Variants in MSTO1 observed in about 807,000 individuals in gnomAD.
MSTO1 encodes protein misato homolog 1.
MSTO1 carries 24 observed loss-of-function variants against 55.7 expected under a neutral mutation model. The ratio of observed to expected loss-of-function variants is 0.43; its 90% confidence interval spans 0.31 to 0.61. The LOEUF is 0.61. Ranked by LOEUF, MSTO1 falls within the 20% of genes least tolerant of loss-of-function variation. The pLI is 0.09. For missense variants in MSTO1, 363 were observed against 625.7 expected (o/e 0.58, Z 4.48); for synonymous variants, 162 against 252.8 (o/e 0.64, Z 3.41).
chr1:155,607,048 G>A (rs1239523857), upstream of MSTO1, among the ~76,000 whole-genome samples: 5 of 150,610 alleles, frequency 3.3e-5, no homozygotes, highest in Admixed American at 1.3e-4. Context: ...TTGCCAGGCT[G>A]GTCTCGAACT....
chr1:155,611,602 AG>A lies in MSTO1; in HGVS notation c.421+1del. Reference protein sequence around the residue: ...WRVKSIPNGKGSSPLPTATTP... With the variant: ...WRVKSIPNGKXSSPLPTATTP... Reference sequence around the variant, plus strand: ...GGGTCAAATCCATTCCCAATGGCAAAGGTGAGACTTCTCCAGATACTGATGG... The same window carrying A: ...GGGTCAAATCCATTCCCAATGGCAAAGTGAGACTTCTCCAGATACTGATGG... On this transcript the variant is annotated frameshift_variant and splice_region_variant, in exon 5 of 14. Transcript: ENST00000245564. LOFTEE classifies it high-confidence loss of function. 1 of 1,457,008 alleles carries A rather than the reference AG, an allele frequency of 6.9e-7. No individual in the cohort carries two copies. Among genetic ancestry groups the A allele is most frequent in the Non-Finnish European group, 9.6e-7 (1 of 1,042,160 alleles). 90.3% of individuals were successfully genotyped at this position (1,457,008 alleles called of 1,614,324 possible).
the MSTO1 span, among the ~76,000 whole-genome samples, chr1:155,587,746 A>G: frequency 4.4e-5 from 6 of 134,958 alleles, no homozygotes; most frequent in Admixed American, 1.5e-4. Context: ...TCCGTCTCAG[A>G]AAAAAAAAAA....
chr1:155,563,731 G>T, the MSTO1 span: 5 of 361,352 alleles, frequency 1.4e-5, no homozygotes, highest in Non-Finnish European at 2.7e-5. Context: ...ATCAAAAAGT[G>T]TACATAAAAA....
the MSTO1 span, among the ~76,000 whole-genome samples, chr1:155,596,821 G>A: frequency 6.6e-6 from 1 of 151,658 alleles, no homozygotes; most frequent in East Asian, 1.9e-4. Context: ...GAGATGAATG[G>A]TCCAGTTGTG....
chr1:155,600,683 GATTACA>G, the MSTO1 span, among the ~76,000 whole-genome samples: 1 of 152,140 alleles, frequency 6.6e-6, no homozygotes, highest in African/African-American at 2.4e-5. Flanking sequence ...CAGTAGCTGG[GATTACA>G]GGCATGCACC....
At chr1:155,567,432 C>T in the MSTO1 span, among the ~76,000 whole-genome samples, 1 of 151,982 alleles carries the variant, frequency 6.6e-6, no homozygotes, top group Non-Finnish European at 1.5e-5. Flanking sequence ...CTGCCTCAGC[C>T]TCCCGAGTAG....
At chr1:155,594,454 T>C in the MSTO1 span, among the ~76,000 whole-genome samples, 1 of 151,918 alleles carries the variant, frequency 6.6e-6, no homozygotes, top group African/African-American at 2.4e-5. Context: ...GAAGTTGAAG[T>C]AGAATGAGCA....
the MSTO1 span, chr1:155,591,288 G>A: frequency 4.0e-3 from 6,075 of 1,531,160 alleles, 199 homozygotes; most frequent in African/African-American, 0.073. Flanking sequence ...GCTGCACTGC[G>A]AAGGAGATAT....
chr1:155,604,225 C>A, the MSTO1 span, among the ~76,000 whole-genome samples: 1 of 152,188 alleles, frequency 6.6e-6, no homozygotes, highest in East Asian at 1.9e-4. Context: ...ACGGAGTGGA[C>A]CTGCCTTTCT....
the MSTO1 span, among the ~76,000 whole-genome samples, chr1:155,580,275 C>G: frequency 1.3e-5 from 2 of 151,182 alleles, no homozygotes; most frequent in African/African-American, 4.9e-5. Context: ...CCCGTAATCC[C>G]AGCATGTTGG....
the MSTO1 span, among the ~76,000 whole-genome samples, chr1:155,599,532 G>C: frequency 1.3e-5 from 2 of 152,114 alleles, no homozygotes; most frequent in African/African-American, 4.8e-5. Flanking sequence ...ATTACACTTT[G>C]CATATGAAGG....
Position 155,613,455 on chromosome 1 carries a change from C to T in MSTO1, c.1284-7C>T. 1 of 1,613,970 alleles carries T rather than the reference C, an allele frequency of 6.2e-7. No individual in the cohort carries two copies. The highest frequency in any genetic ancestry group is 8.5e-7 in the Non-Finnish European group (1 of 1,179,990). On this transcript the variant is annotated splice_polypyrimidine_tract_variant and splice_region_variant and intron_variant, in intron 11 of 13. Coordinates refer to ENST00000245564, the MANE Select transcript of MSTO1 (RefSeq NM_018116.4). ...GACTAATGGTGGTTTTGGCTTTGTT[C>T]TGGCAGCCAGCTCACCCCAGGGACA...
At chr1:155,572,337 GAGAA>G in the MSTO1 span, among the ~76,000 whole-genome samples, 5 of 152,264 alleles carry the variant, frequency 3.3e-5, no homozygotes, top group Admixed American at 2.0e-4. Flanking sequence ...TACTAATTTA[GAGAA>G]AGAATTACTG....
chr1:155,570,353 C>A, the MSTO1 span, among the ~76,000 whole-genome samples: 2 of 152,154 alleles, frequency 1.3e-5, no homozygotes, highest in Non-Finnish European at 2.9e-5. Flanking sequence ...TTTTGCACCA[C>A]CCTGTCCTGG....
chr1:155,567,359 G>A, the MSTO1 span, among the ~76,000 whole-genome samples: 1 of 149,454 alleles, frequency 6.7e-6, no homozygotes, highest in South Asian at 2.1e-4. Flanking sequence ...TCGCCCAGGC[G>A]GGAGTGCTGT....
At chr1:155,567,595 C>T in the MSTO1 span, among the ~76,000 whole-genome samples, 4 of 152,184 alleles carry the variant, frequency 2.6e-5, no homozygotes, top group Admixed American at 1.3e-4. Context: ...CCACCGCGCC[C>T]GGCCTAATTT....
chr1:155,610,176 G>T (rs1201833849), upstream of MSTO1: 121 of 1,040,846 alleles, frequency 1.2e-4, no homozygotes, highest in Non-Finnish European at 1.5e-4. Flanking sequence ...CCGCCCACGC[G>T]CCTGCCAAGC....
chr1:155,572,837 A>T, the MSTO1 span, among the ~76,000 whole-genome samples: 1 of 151,728 alleles, frequency 6.6e-6, no homozygotes, highest in African/African-American at 2.4e-5. Flanking sequence ...TTTAGTAGAG[A>T]TGGGGTTTCT....
chr1:155,611,302 C>A lies in MSTO1; in HGVS notation c.366+11C>A. The A allele has an allele frequency of 6.2e-7, 1 of 1,613,760 alleles. No individual in the cohort carries two copies. The highest frequency in any genetic ancestry group is 2.2e-5 in the East Asian group (1 of 44,864). On this transcript the variant is annotated intron_variant, in intron 4 of 13. Coordinates refer to ENST00000245564, the MANE Select transcript of MSTO1 (RefSeq NM_018116.4). ...TTTCTGAGTGCAGAGGTGAGGGCCT[C>A]TGTCCTGAACTTTTTAACCCGGTGC...
Sources: allele counts gnomAD v4.1 joint callset (sites outside exome capture counted in the v4.1 genomes callset), GRCh38; gene constraint gnomAD v4.1.1; transcripts MANE v1.5; gene names NCBI Gene and HGNC (gene_info 2026-07-23, HGNC 2026-07-21).